The following GPR78 variants were observed in gnomAD, a reference collection of about 807,000 sequenced individuals.
GPR78 encodes the protein G protein-coupled receptor 78.
A neutral mutation model predicts 17.9 loss-of-function variants in GPR78; 29 were observed. The ratio of observed to expected loss-of-function variants is 1.62; its 90% CI spans 1.20 to 2.21. GPR78 has a LOEUF of 2.21. GPR78 is among the 30% of genes most tolerant of loss of function. The probability of loss-of-function intolerance (pLI) is 0.00; values close to 1 mark genes in which losing one functional copy is unlikely to be tolerated. For missense variants in GPR78, 649 were observed against 530.5 expected (o/e 1.22, Z -2.19); for synonymous variants, 349 against 256.9 (o/e 1.36, Z -3.43).
Position 8,580,659 on chromosome 4 carries a change from G to A in GPR78, c.-324G>A. 2 of 428,154 alleles carry A rather than the reference G, an allele frequency of 4.7e-6. No homozygotes were observed. Among genetic ancestry groups the A allele is most frequent in the Non-Finnish European group, 8.2e-6 (2 of 243,468 alleles). 26.5% of individuals were successfully genotyped at this position (428,154 alleles called of 1,614,324 possible). ...GAGACCTCCCTCGCCCCTACGCCCC[G>A]CGCCCCTGCGCCTCGCTTCAGCCTC... On this transcript the variant is annotated 5_prime_UTR_variant, in exon 1 of 3. Coordinates refer to ENST00000382487, the MANE Select transcript of GPR78 (RefSeq NM_080819.5).
rs756325522 is a variant in GPR78, at chr4:8,587,024, G to GCTGA, written c.783-29_783-26dup. On this transcript the variant is annotated intron_variant, in intron 2 of 2. Transcript: ENST00000382487. ...GTGCGTGGCAGGTGCTGTCACTGTG[G>GCTGA]CTGAGTTAGCTGCTCCGCTTCCCCA... 1.1e-5 allele frequency: 18 copies of GCTGA among 1,598,044 alleles called. No individual in the cohort carries two copies. The South Asian group carries it at 1.8e-4, about 16-fold the overall frequency.
chr4:8,585,373 A>C (rs1713461885), intron 2 of GPR78, among the ~76,000 whole-genome samples: 1 of 152,004 alleles, frequency 6.6e-6, no homozygotes, highest in Non-Finnish European at 1.5e-5. Flanking sequence ...GGGGATAGAC[A>C]CTCTGGCATG....
intron 2 of GPR78, 36 bp from the exon 3 acceptor site, chr4:8,587,018 A>C: frequency 6.3e-7 from 1 of 1,587,906 alleles, no homozygotes; most frequent in East Asian, 2.2e-5. Context: ...AGGTGCTGTC[A>C]CTGTGGCTGA....
Position 8,580,934 on chromosome 4 carries a change from C to A in GPR78, c.-49C>A, listed in dbSNP as rs754417310. The A allele has an allele frequency of 2.8e-6, 4 of 1,449,094 alleles. No individual in the cohort carries two copies. The South Asian group carries it at 4.3e-5, about 15-fold the overall frequency. 89.8% of individuals were successfully genotyped at this position (1,449,094 alleles called of 1,614,324 possible). ...CGCCTCACTTTCCCAGGCTCGCGCC[C>A]GAAGCAGAGCCATGAGAACCCCAGG... On this transcript the variant is annotated 5_prime_UTR_variant, in exon 1 of 3. Transcript: ENST00000382487.
chr4:8,583,572 G>A (rs1227320480), intron 2 of GPR78, among the ~76,000 whole-genome samples: 2 of 152,094 alleles, frequency 1.3e-5, no homozygotes, highest in Non-Finnish European at 2.9e-5. Flanking sequence ...ATAGTACCAG[G>A]ATCCTGGCTC....
At chr4:8,583,433 G>T (rs1713376141) in intron 2 of GPR78, among the ~76,000 whole-genome samples, 1 of 152,184 alleles carries the variant, frequency 6.6e-6, no homozygotes, top group African/African-American at 2.4e-5. Flanking sequence ...CTGTCTGGGA[G>T]GTCTCCACCC....
At chr4:8,586,212 G>A (rs2109301819) in intron 2 of GPR78, among the ~76,000 whole-genome samples, 1 of 152,278 alleles carries the variant, frequency 6.6e-6, no homozygotes, top group Admixed American at 6.5e-5. Flanking sequence ...GAGAGCGGAG[G>A]GGTCCGTCAG....
intron 2 of GPR78, among the ~76,000 whole-genome samples, chr4:8,583,284 T>C (rs1444601920): frequency 6.6e-6 from 1 of 152,274 alleles, no homozygotes; most frequent in East Asian, 1.9e-4. Context: ...CAAGGAAATG[T>C]GTGCACCCTG....
In GPR78 at chr4:8,580,859, C is replaced by T. The variant is rs1713245266; in HGVS notation, c.-124C>T. 4 of 946,576 alleles carry T rather than the reference C, an allele frequency of 4.2e-6. No individual in the cohort carries two copies. The highest frequency in any genetic ancestry group is 1.7e-5 in the South Asian group (1 of 57,170). The allele number at this position is 946,576 out of a possible 1,614,324, so 58.6% of individuals were successfully genotyped here. On this transcript the variant is annotated 5_prime_UTR_variant, in exon 1 of 3. Coordinates refer to ENST00000382487, the MANE Select transcript of GPR78 (RefSeq NM_080819.5). Reference sequence around the variant, plus strand: ...CTCGCGCTGCTCTGGACCTTGCTAGCCGGCTCTGCACCTCCCAGAAGCCGT... The same window carrying T: ...CTCGCGCTGCTCTGGACCTTGCTAGTCGGCTCTGCACCTCCCAGAAGCCGT...
rs571651299 is a variant in GPR78 at position 8,584,916 on chromosome 4, C to T, written c.783-2138C>T. On this transcript the variant is annotated intron_variant, in intron 2 of 2. Coordinates refer to ENST00000382487, the MANE Select transcript of GPR78 (RefSeq NM_080819.5). ...CCTGGGAATTGTTTTCAGAACTGGGCTGCATTGTTAGACTCTTCTGTGGAC... is the reference window on the plus strand; with the variant it reads ...CCTGGGAATTGTTTTCAGAACTGGGTTGCATTGTTAGACTCTTCTGTGGAC... Among the ~76,000 whole-genome samples the T allele has an allele frequency of 1.2e-4, 19 of 152,378 alleles. No homozygotes were observed. In the South Asian group the frequency reaches 3.7e-3, roughly 30 times the overall value.
intron 2 of GPR78, among the ~76,000 whole-genome samples, chr4:8,585,512 T>C (rs1226369964): frequency 6.6e-6 from 1 of 152,094 alleles, no homozygotes; most frequent in Non-Finnish European, 1.5e-5. Flanking sequence ...GTCTCCAGTC[T>C]ATGCCTGATA....
intron 2 of GPR78, among the ~76,000 whole-genome samples, chr4:8,586,703 T>C (rs1183382374): frequency 6.6e-6 from 1 of 152,144 alleles, no homozygotes; most frequent in Non-Finnish European, 1.5e-5. Flanking sequence ...GGTAGCTGGT[T>C]GTGTGTGCAG....
intron 2 of GPR78, among the ~76,000 whole-genome samples, chr4:8,586,763 G>A (rs563129733): frequency 4.6e-5 from 7 of 152,300 alleles, no homozygotes; most frequent in African/African-American, 1.7e-4. Flanking sequence ...CTGAGTGTGA[G>A]GATGGTGGGA....
At chr4:8,582,021 C>T (rs983588395) in intron 1 of GPR78, among the ~76,000 whole-genome samples, 2 of 152,172 alleles carry the variant, frequency 1.3e-5, no homozygotes, top group Non-Finnish European at 2.9e-5. Flanking sequence ...CTTGCATGGA[C>T]TTGGGCTTCA....
Position 8,580,808 on chromosome 4 carries a change from C to G in GPR78, c.-175C>G. Reference sequence around the variant, plus strand: ...AGCTACGCCCTCCCCCCGGGTGCCCCGGACCCTGCACTTGCCGCCGCTTTC... The same window carrying G: ...AGCTACGCCCTCCCCCCGGGTGCCCGGGACCCTGCACTTGCCGCCGCTTTC... On this transcript the variant is annotated 5_prime_UTR_variant, in exon 1 of 3. Coordinates refer to ENST00000382487, the MANE Select transcript of GPR78 (RefSeq NM_080819.5). The G allele has an allele frequency of 4.5e-6, 3 of 667,428 alleles. No individual in the cohort carries two copies. Among genetic ancestry groups the G allele is most frequent in the South Asian group, 4.1e-5 (2 of 48,964 alleles). The allele number at this position is 667,428 out of a possible 1,614,324, so 41.3% of individuals were successfully genotyped here. A position where few individuals can be genotyped will look rare whatever the true frequency, so the allele number is the denominator to read the frequency against.
Position 8,589,702 on chromosome 4 carries a change from C to G in GPR78, c.*2339C>G, listed in dbSNP as rs535889387. 6.6e-6 allele frequency among the ~76,000 whole-genome samples: 1 copy of G among 152,204 alleles called. No homozygotes were observed. The highest frequency in any genetic ancestry group is 1.5e-5 in the Non-Finnish European group (1 of 68,036). On this transcript the variant is annotated 3_prime_UTR_variant, in exon 3 of 3. Coordinates refer to ENST00000382487, the MANE Select transcript of GPR78 (RefSeq NM_080819.5). ...ACTACTTTAGAGCCACTCAAGGAAA[C>G]GCGTGCACCCTGCCCTGCTGGAAGG... is the stretch of plus-strand genomic sequence containing the variant.
chr4:8,582,486 T>A (rs879705557), intron 1 of GPR78, 45 bp from the exon 2 acceptor site: 28 of 1,358,926 alleles, frequency 2.1e-5, no homozygotes, highest in Non-Finnish European at 2.6e-5. Context: ...CTGGGTTCTG[T>A]CCCCACCCTG....
intron 2 of GPR78, among the ~76,000 whole-genome samples, chr4:8,584,134 T>C (rs1713406569): frequency 6.6e-6 from 1 of 152,332 alleles, no homozygotes; most frequent in South Asian, 2.1e-4. Context: ...TGTACATATG[T>C]GTAGAAGGTG....
Position 8,580,654 on chromosome 4 carries a change from G to A in GPR78, c.-329G>A, listed in dbSNP as rs888861001. On this transcript the variant is annotated 5_prime_UTR_variant, in exon 1 of 3. Transcript: ENST00000382487. The stretch of plus-strand genomic sequence containing the variant: ...GGAAAGAGACCTCCCTCGCCCCTAC[G>A]CCCCGCGCCCCTGCGCCTCGCTTCA... The A allele has an allele frequency of 9.5e-6, 4 of 420,000 alleles. No homozygotes were observed. Among genetic ancestry groups the A allele is most frequent in the African/African-American group, 2.1e-5 (1 of 48,050 alleles). 26.0% of individuals were successfully genotyped at this position (420,000 alleles called of 1,614,324 possible).
Sources: gnomAD v4.1 joint callset for allele counts (sites outside exome capture counted in the v4.1 genomes callset) on GRCh38, gnomAD v4.1.1 for gene constraint, MANE v1.5 for transcripts, NCBI Gene and HGNC (gene_info 2026-07-23, HGNC 2026-07-21) for gene names.